The following GALM variants were observed in gnomAD, a reference collection of about 807,000 sequenced individuals.
The protein encoded by GALM is galactose mutarotase, also known as aldose 1-epimerase.
Under a neutral mutation model 37.4 loss-of-function variants are expected in GALM, and 43 were observed. That is an observed-to-expected ratio of 1.15 (90% CI 0.90 to 1.48). The LOEUF (loss-of-function observed/expected upper bound fraction) is 1.48. Ranked by LOEUF, GALM falls within the 40% of genes most tolerant of loss-of-function variation. The pLI is 0.00. For synonymous variants in GALM, 199 were observed against 170.6 expected (o/e 1.17, Z -1.30); for missense variants, 456 against 419.1 (o/e 1.09, Z -0.77).
intron 1 of GALM, chr2:38,669,461 G>A (rs560677348): frequency 6.6e-6 from 1 of 152,214 alleles, no homozygotes. Context: ...CGGTGAGCTC[G>A]GCTTTTGAGA....
chr2:38,715,067 T>C (rs1215833055), intron 4 of GALM, among the ~76,000 whole-genome samples: 3 of 152,226 alleles, frequency 2.0e-5, no homozygotes, highest in African/African-American at 7.2e-5. Flanking sequence ...ATATTTACAA[T>C]TGTCATAGCC....
rs78654871 is a variant in GALM at position 38,720,740 on chromosome 2, T to C, written c.635-8816T>C. ...GTTCACTCACATGTCTGGCAGTTGA[T>C]GTTGGCTGTTGGCTGGAGGCCTTGC... On this transcript the variant is annotated intron_variant, in intron 4 of 6. Coordinates refer to ENST00000272252, the MANE Select transcript of GALM (RefSeq NM_138801.3). Among the ~76,000 whole-genome samples the C allele has an allele frequency of 2.2e-3, 339 of 152,336 alleles. 1 individual carries two copies. Among genetic ancestry groups the C allele is most frequent in the African/African-American group, 7.6e-3 (317 of 41,582 alleles).
intron 4 of GALM, among the ~76,000 whole-genome samples, chr2:38,699,857 A>G (rs1665880987): frequency 6.6e-6 from 1 of 152,162 alleles, no homozygotes; most frequent in Admixed American, 6.6e-5. Flanking sequence ...CATATGGTCT[A>G]TTCTGGAAAA....
At chr2:38,708,516 C>A (rs1403138268) in intron 4 of GALM, among the ~76,000 whole-genome samples, 10 of 151,752 alleles carry the variant, frequency 6.6e-5, no homozygotes, top group Non-Finnish European at 1.3e-4. Context: ...CCGAGGCGGG[C>A]GGATCATGAG....
chr2:38,709,192 ATGGCAACATCAGGGGCC>A (rs1254957969), intron 4 of GALM, among the ~76,000 whole-genome samples: 1 of 152,130 alleles, frequency 6.6e-6, no homozygotes, highest in African/African-American at 2.4e-5. Context: ...CCAGGGGAAT[ATGGCAACATCAGGGGCC>A]TGGCAGTCCC....
chr2:38,719,766 TTC>T (rs1666339127), intron 4 of GALM, among the ~76,000 whole-genome samples: 1 of 123,052 alleles, frequency 8.1e-6, no homozygotes, highest in African/African-American at 2.8e-5. Flanking sequence ...AAGAACGAAA[TTC>T]TGTCTCAAAA....
intron 4 of GALM, among the ~76,000 whole-genome samples, chr2:38,719,159 A>G (rs529413617): frequency 6.6e-6 from 1 of 151,824 alleles, no homozygotes; most frequent in Non-Finnish European, 1.5e-5. Context: ...CAGTTAGCCA[A>G]TCCCAATTTA....
intron 4 of GALM, among the ~76,000 whole-genome samples, chr2:38,695,932 C>G (rs1036332898): frequency 3.9e-5 from 6 of 152,108 alleles, no homozygotes; most frequent in Non-Finnish European, 7.4e-5. Context: ...CTCCTGACCT[C>G]AAGTGATCCA....
intron 4 of GALM, among the ~76,000 whole-genome samples, chr2:38,711,891 T>C (rs115052645): frequency 5.0e-3 from 154 of 30,788 alleles, no homozygotes; most frequent in African/African-American, 0.021. Context: ...CTATCTTAAG[T>C]AAGTGCTTTG....
In GALM at chr2:38,733,832, G is replaced by T. The variant is rs1425562350; in HGVS notation, c.*267G>T. On this transcript the variant is annotated 3_prime_UTR_variant, in exon 7 of 7. Coordinates refer to ENST00000272252, the MANE Select transcript of GALM (RefSeq NM_138801.3). ...TGTCGTCATCTAAGCCCTGACCCTA[G>T]CCAGGGACTCCCATGCTGCTGTTGG... 1.8e-5 allele frequency: 8 copies of T among 437,606 alleles called. No individual in the cohort carries two copies. Among genetic ancestry groups the T allele is most frequent in the Non-Finnish European group, 3.0e-5 (7 of 236,534 alleles). The allele number at this position is 437,606 out of a possible 1,614,324, so 27.1% of individuals were successfully genotyped here.
chr2:38,676,940 G>T (rs924884394), intron 2 of GALM, among the ~76,000 whole-genome samples: 3 of 152,292 alleles, frequency 2.0e-5, no homozygotes, highest in Non-Finnish European at 2.9e-5. Context: ...CCCGCCCCAT[G>T]CAGCATGGCG....
intron 6 of GALM, among the ~76,000 whole-genome samples, chr2:38,732,800 G>A (rs1363798870): frequency 1.3e-5 from 2 of 151,788 alleles, no homozygotes; most frequent in Non-Finnish European, 2.9e-5. Flanking sequence ...CACACCTGTG[G>A]CCCCAGCTAC....
chr2:38,699,631 A>C (rs1319545051), intron 4 of GALM, among the ~76,000 whole-genome samples: 2 of 152,298 alleles, frequency 1.3e-5, no homozygotes, highest in Middle Eastern at 3.4e-3. Context: ...CAGCCTGGAC[A>C]ACATAGCAAG....
At chr2:38,669,565 G>A (rs1272938382) in intron 1 of GALM, 3 of 152,202 alleles carry the variant, frequency 2.0e-5, no homozygotes, top group African/African-American at 4.8e-5. Context: ...TGCCTCCTAT[G>A]AGTTTTTCAA....
At chr2:38,711,632 C>G (rs1666162340) in intron 4 of GALM, among the ~76,000 whole-genome samples, 1 of 151,074 alleles carries the variant, frequency 6.6e-6, no homozygotes, top group African/African-American at 2.4e-5. Flanking sequence ...AGAACATAGT[C>G]TCTGGAATGA....
intron 4 of GALM, among the ~76,000 whole-genome samples, chr2:38,712,126 A>G (rs1433946002): frequency 6.6e-6 from 1 of 152,170 alleles, no homozygotes; most frequent in Admixed American, 6.5e-5. Flanking sequence ...TTCTTCTTTT[A>G]GTCAGCATTT....
At chr2:38,731,396 CAAAAAAAAAAAAAAAAA>C (rs66613702) in intron 5 of GALM, among the ~76,000 whole-genome samples, 1 of 121,660 alleles carries the variant, frequency 8.2e-6, no homozygotes, top group Non-Finnish European at 1.7e-5. Flanking sequence ...GACTCTATTT[CAAAAAAAAAAAAAAAAA>C]AAAAAAGAAT....
At chr2:38,716,277 G>A (rs962979132) in intron 4 of GALM, among the ~76,000 whole-genome samples, 8 of 152,216 alleles carry the variant, frequency 5.3e-5, no homozygotes, top group African/African-American at 1.2e-4. Flanking sequence ...TGTTGTGTAC[G>A]TGTTCAAGAG....
chr2:38,694,607 G>A (rs1644535908), intron 4 of GALM, among the ~76,000 whole-genome samples: 1 of 151,976 alleles, frequency 6.6e-6, no homozygotes, highest in South Asian at 2.1e-4. Flanking sequence ...ACAAGAAAGG[G>A]AAAGTCAGGC....
Sources: gnomAD v4.1 joint callset for allele counts (sites outside exome capture counted in the v4.1 genomes callset) on GRCh38, gnomAD v4.1.1 for gene constraint, MANE v1.5 for transcripts, NCBI Gene and HGNC (gene_info 2026-07-23, HGNC 2026-07-21) for gene names.